IRX4: variants seen among roughly 807,000 people sequenced by gnomAD.
IRX4 encodes iroquois-class homeodomain protein IRX-4.
Under a neutral mutation model 32.0 loss-of-function variants are expected in IRX4, and 22 were observed. The ratio of observed to expected loss-of-function variants is 0.69; its 90% confidence interval spans 0.49 to 0.98. The LOEUF (loss-of-function observed/expected upper bound fraction) is 0.98. Ranked by LOEUF, IRX4 falls within the 50% of genes least tolerant of loss-of-function variation. IRX4 has a pLI of 0.00. For synonymous variants in IRX4, 379 were observed against 351.7 expected, an observed-to-expected ratio of 1.08 and a Z score of -0.87; for missense variants, 840 against 744.2, an observed-to-expected ratio of 1.13 and a Z score of -1.50.
At chr5:1,880,597 G>A in intron 3 of IRX4, 128 bp downstream of exon 3, 1 of 674,968 alleles carries the variant, frequency 1.5e-6, no homozygotes, top group Non-Finnish European at 2.7e-6. Flanking sequence ...GGTCATGCCT[G>A]ACCTAAGAGT....
upstream of IRX4, among the ~76,000 whole-genome samples, chr5:1,882,932 GAAA>G (rs201834255): frequency 2.8e-5 from 4 of 143,394 alleles, no homozygotes; most frequent in African/African-American, 7.7e-5. Flanking sequence ...TTACGAAAAA[GAAA>G]AAAAAAAAAA....
rs1173192713 is a variant in IRX4 at position 1,878,602 on chromosome 5, G to T, written c.927C>A (p.Ala309=). 6.4e-7 allele frequency: 1 copy of T among 1,559,112 alleles called. No individual in the cohort carries two copies. The highest frequency in any genetic ancestry group is 8.7e-7 in the Non-Finnish European group (1 of 1,152,734). The part of the protein sequence containing the change: ...EASGALRMSL[A]AGGGAALDED... ...CGTCCAGAGCAGCTCCGCCACCCGCGGCCAGAGACATCCGGAGCGCGCCTG... is the reference window on the plus strand; with the variant it reads ...CGTCCAGAGCAGCTCCGCCACCCGCTGCCAGAGACATCCGGAGCGCGCCTG... Residue 309 remains alanine (A), a synonymous_variant, in exon 5 of 5, where the codon GCC becomes GCA. Transcript: ENST00000231357.
At chr5:1,882,536 C>T in intron 1 of IRX4, 67 bp downstream of exon 1, 2 of 1,361,060 alleles carry the variant, frequency 1.5e-6, no homozygotes, top group Non-Finnish European at 2.0e-6. Context: ...ACTCCCCACC[C>T]CCCGTCCCCG....
In IRX4 at chr5:1,881,852, T is replaced by G. The variant is rs1470406859; in HGVS notation, c.253A>C (p.Asn85His). The change falls in exon 2 of 5, where the codon AAC (asparagine) becomes CAC (histidine). Residue 85 changes from asparagine to histidine, a missense_variant. Physicochemically the swap from Asn to His is moderately conservative, Grantham distance 68. Transcript: ENST00000231357. The part of the protein sequence containing the change: ...GPYGGSQGYG[N>H]YVTYGSEASA... ...GCCTCCGAGCCGTAGGTCACGTAGT[T>G]GCCATAGCCCTGCGATCCGCCATAG... 6.3e-7 allele frequency: 1 copy of G among 1,580,530 alleles called. No individual in the cohort carries two copies. Among genetic ancestry groups the G allele is most frequent in the Non-Finnish European group, 8.6e-7 (1 of 1,163,684 alleles).
upstream of IRX4, among the ~76,000 whole-genome samples, chr5:1,885,124 G>T (rs915432471): frequency 1.2e-4 from 18 of 152,154 alleles, no homozygotes; most frequent in Non-Finnish European, 1.8e-4. Flanking sequence ...GGGCCCAGGG[G>T]CCCAGCCACC....
intron 4 of IRX4, 129 bp downstream of exon 4, chr5:1,879,375 C>T (rs573765432): frequency 6.2e-6 from 9 of 1,443,568 alleles, no homozygotes; most frequent in Admixed American, 3.9e-5. Flanking sequence ...GAGGCAGAAC[C>T]GGTTTGCACG....
chr5:1,883,979 T>C (rs2111455474), upstream of IRX4: 1 of 152,392 alleles, frequency 6.6e-6, no homozygotes, highest in East Asian at 1.9e-4. Context: ...TTGCCCAGCT[T>C]TCTGTCTGGG....
Position 1,878,500 on chromosome 5 carries a change from G to A in IRX4, c.1029C>T (p.Gly343=). 1 of 1,435,992 alleles carries A rather than the reference G, an allele frequency of 7.0e-7. No individual in the cohort carries two copies. The highest frequency in any genetic ancestry group is 9.1e-7 in the Non-Finnish European group (1 of 1,102,986). The allele number at this position is 1,435,992 out of a possible 1,614,324, so 89.0% of individuals were successfully genotyped here. ...CCAGCTTGGCCTCGCAGACCTGAGGGCCGCCCTCTGCGCCCGGCAGTGGCT... is the reference window on the plus strand; with the variant it reads ...CCAGCTTGGCCTCGCAGACCTGAGGACCGCCCTCTGCGCCCGGCAGTGGCT... ...GPEPLPGAEG[G]PQVCEAKLGF... is the part of the protein sequence containing the mutation. Residue 343 remains glycine, a synonymous_variant, in exon 5 of 5, where the codon GGC becomes GGT. Transcript: ENST00000231357.
At chr5:1,881,138 A>G in intron 2 of IRX4, 2 of 421,524 alleles carry the variant, frequency 4.7e-6, no homozygotes, top group South Asian at 2.3e-5. Flanking sequence ...GAAGCCAGAA[A>G]GAACTGGGGG....
intron 4 of IRX4, among the ~76,000 whole-genome samples, chr5:1,879,173 A>G (rs1256479081): frequency 6.6e-6 from 1 of 151,722 alleles, no homozygotes; most frequent in African/African-American, 2.4e-5. Context: ...TTGTATTTTT[A>G]GTAGAAACGA....
intron 2 of IRX4, 37 bp downstream of exon 2, chr5:1,881,771 C>T (rs758286842): frequency 2.6e-6 from 4 of 1,561,250 alleles, no homozygotes; most frequent in Admixed American, 1.9e-5. Flanking sequence ...AAATCGAGGG[C>T]CAGGGGCAGG....
chr5:1,881,120 G>T, intron 2 of IRX4: 1 of 467,326 alleles, frequency 2.1e-6, no homozygotes, highest in East Asian at 4.2e-5. Context: ...GTAGGAGGAA[G>T]TTGGAGGGAA....
Position 1,878,176 on chromosome 5 carries a change from G to T in IRX4, c.1353C>A (p.Ser451Arg). 6.3e-7 allele frequency: 1 copy of T among 1,587,056 alleles called. No individual in the cohort carries two copies. Among genetic ancestry groups the T allele is most frequent in the Non-Finnish European group, 8.6e-7 (1 of 1,169,078 alleles). ...CGGTGGCCCAGGCCTGGTTCAAAGT[G>T]CTGTGCCTGAGGATGGGGTCGTGGA... ...GVFHDPILRH[S>R]TLNQAWATAK... The change falls in exon 5 of 5, where the codon AGC (serine) becomes AGA (arginine). Residue 451 changes from serine to arginine, a missense_variant. This residue lies in a region of IRX4 where 585 missense variants were observed against 488.0 expected (regional missense o/e 1.20). Coordinates refer to ENST00000231357, the MANE Select transcript of IRX4 (RefSeq NM_016358.3).
chr5:1,880,037 G>C (rs1735375105), intron 3 of IRX4: 2 of 1,527,356 alleles, frequency 1.3e-6, no homozygotes, highest in African/African-American at 2.7e-5. Flanking sequence ...TGTGGCCAAA[G>C]GGCAAAGATT....
At chr5:1,879,061 A>G (rs1240804828) in intron 4 of IRX4, among the ~76,000 whole-genome samples, 10 of 150,556 alleles carry the variant, frequency 6.6e-5, no homozygotes, top group South Asian at 2.1e-4. Flanking sequence ...GCGCGATCTC[A>G]GCTCACTGCA....
rs1735294270 is a variant in IRX4, at chr5:1,878,493, C to T, written c.1036G>A (p.Val346Ile). The T allele has an allele frequency of 6.9e-7, 1 of 1,441,178 alleles. No homozygotes were observed. The highest frequency in any genetic ancestry group is 9.0e-7 in the Non-Finnish European group (1 of 1,105,234). The allele number at this position is 1,441,178 out of a possible 1,614,324, so 89.3% of individuals were successfully genotyped here. A position where few individuals can be genotyped will look rare whatever the true frequency, so the allele number is the denominator to read the frequency against. ...PLPGAEGGPQ[V>I]CEAKLGFVPA... ...ACAAACCCCAGCTTGGCCTCGCAGA[C>T]CTGAGGGCCGCCCTCTGCGCCCGGC... The change falls in exon 5 of 5, where the codon GTC becomes ATC. Residue 346 changes from valine (V) to isoleucine (I), a missense_variant. By Grantham distance (29) the Val-to-Ile change is conservative. Around this residue, in one of 3 missense-constraint regions of IRX4, gnomAD observed 585 missense variants for 488.0 expected, o/e 1.20. Transcript: ENST00000231357.
Position 1,878,230 on chromosome 5 carries a change from G to A in IRX4, c.1299C>T (p.Thr433=). ...CCCCGTCCACCCAGTTTCTGAGACT[G>A]GTTACCGGGGAGTCCTGGTGCCTGT... The part of the protein sequence containing the change: ...ALDRHQDSPV[T]SLRNWVDGVF... Residue 433 remains threonine, a synonymous_variant, in exon 5 of 5, where the codon ACC becomes ACT. Coordinates refer to ENST00000231357, the MANE Select transcript of IRX4 (RefSeq NM_016358.3). 6.2e-7 allele frequency: 1 copy of A among 1,605,506 alleles called. No homozygotes were observed. Among genetic ancestry groups the A allele is most frequent in the African/African-American group, 1.3e-5 (1 of 74,962 alleles).
chr5:1,880,725 C>T lies in IRX4; in HGVS notation c.407G>A (p.Arg136Lys). The change falls in exon 3 of 5, where the codon AGG becomes AAG. Residue 136 changes from arginine to lysine, a missense_variant and splice_region_variant. Coordinates refer to ENST00000231357, the MANE Select transcript of IRX4 (RefSeq NM_016358.3). ...EPALGQYPYD[R>K]YGTMDSGTRR... is the part of the protein sequence containing the mutation. ...CTGGTTAGGAGGGGTGGGTCCTCAC[C>T]TGTCATAGGGGTACTGGCCCAGAGC... 2 of 1,609,454 alleles carry T rather than the reference C, an allele frequency of 1.2e-6. No homozygotes were observed. The highest frequency in any genetic ancestry group is 1.7e-6 in the Non-Finnish European group (2 of 1,175,952).
intron 2 of IRX4, 98 bp downstream of exon 2, chr5:1,881,710 C>G: frequency 6.9e-7 from 1 of 1,455,074 alleles, no homozygotes; most frequent in Non-Finnish European, 9.4e-7. Context: ...CCCTCTGTGA[C>G]AGTCCGGGGA....
Sources: allele counts gnomAD v4.1 joint callset (sites outside exome capture counted in the v4.1 genomes callset), GRCh38; gene constraint gnomAD v4.1.1; regional missense constraint gnomAD v4.1.1; transcripts MANE v1.5; gene names NCBI Gene and HGNC (gene_info 2026-07-23, HGNC 2026-07-21).